Variants in PARL observed in about 807,000 individuals in gnomAD.
PARL encodes presenilin associated rhomboid like.
PARL carries 44 observed loss-of-function variants against 51.6 expected under a neutral mutation model. The ratio of observed to expected loss-of-function variants is 0.85; its 90% CI spans 0.67 to 1.10. The LOEUF (loss-of-function observed/expected upper bound fraction) is 1.10, where lower values mean the gene tolerates loss of function less well. Ranked by LOEUF, PARL falls within the 50% of genes least tolerant of loss-of-function variation. The pLI is 0.00. For synonymous variants in PARL, 172 were observed against 164.0 expected (o/e 1.05, Z -0.37); for missense variants, 441 against 469.5 (o/e 0.94, Z 0.56).
chr3:183,876,610 T>TAAAAAAAAAA (rs576376716), intron 1 of PARL, among the ~76,000 whole-genome samples: 49 of 91,750 alleles, frequency 5.3e-4, no homozygotes, highest in South Asian at 7.8e-4. Flanking sequence ...ATACATTTTG[T>TAAAAAAAAAA]AAAAAAAAAA....
chr3:183,850,261 A>T (rs1366324884), intron 4 of PARL, among the ~76,000 whole-genome samples: 1 of 152,188 alleles, frequency 6.6e-6, no homozygotes, highest in East Asian at 1.9e-4. Context: ...GGGTCTAGGG[A>T]AGTGTCCTTC....
chr3:183,854,678 C>T (rs1730933702), intron 4 of PARL, among the ~76,000 whole-genome samples: 1 of 148,796 alleles, frequency 6.7e-6, no homozygotes, highest in Non-Finnish European at 1.5e-5. Context: ...TGTGAATATA[C>T]TGAACTCTAC....
In PARL at chr3:183,880,473, C is replaced by T. The variant is rs187026180; in HGVS notation, c.125+4249G>A. Reference sequence around the variant, plus strand: ...TTGGAGTGTAATGCCGTGATCTCGGCTCACTGCAACCTCCGCTTCCCGGGT... The same window carrying T: ...TTGGAGTGTAATGCCGTGATCTCGGTTCACTGCAACCTCCGCTTCCCGGGT... On this transcript the variant is annotated intron_variant, in intron 1 of 9. Coordinates refer to ENST00000317096, the MANE Select transcript of PARL (RefSeq NM_018622.7). Among the ~76,000 whole-genome samples the T allele has an allele frequency of 2.0e-5, 3 of 152,210 alleles. No individual in the cohort carries two copies. The East Asian group carries it at 5.8e-4, about 29-fold the overall frequency.
chr3:183,872,683 C>T (rs1006876089), intron 1 of PARL, among the ~76,000 whole-genome samples: 2 of 152,144 alleles, frequency 1.3e-5, no homozygotes, highest in Non-Finnish European at 2.9e-5. Flanking sequence ...TTCCAGGCTC[C>T]CCTAGAGCTA....
chr3:183,867,980 G>C lies in PARL; in HGVS notation c.206C>G (p.Thr69Arg), dbSNP rs1455630146. The C allele has an allele frequency of 5.0e-6, 8 of 1,613,870 alleles. No homozygotes were observed. In the South Asian group the frequency reaches 7.7e-5, roughly 16 times the overall value. Residue 69 changes from threonine (T) to arginine (R), a missense_variant, in exon 2 of 10, where the codon ACA becomes AGA. Transcript: ENST00000317096. The part of the protein sequence containing the change: ...KVEPRRSDPG[T>R]SGEAYKRSAL... ...ACTTCTCTTGTATGCTTCACCACTTGTCCCTGGGTCTGATCTTCGAGGTTC... is the reference window on the plus strand; with the variant it reads ...ACTTCTCTTGTATGCTTCACCACTTCTCCCTGGGTCTGATCTTCGAGGTTC...
At chr3:183,853,760 C>T (rs1730818241) in intron 4 of PARL, among the ~76,000 whole-genome samples, 1 of 152,164 alleles carries the variant, frequency 6.6e-6, no homozygotes, top group African/African-American at 2.4e-5. Flanking sequence ...TACTGTCAAA[C>T]ACCTACACAC....
At position 183,829,723 on chromosome 3, in the gene PARL, A is replaced by C. The variant is rs2108572853; in HGVS notation, c.1029-14T>G. On this transcript the variant is annotated splice_polypyrimidine_tract_variant and intron_variant, in intron 9 of 9. Transcript: ENST00000317096. ...GTAACATACCATCTGGAGAAAAACA[A>C]ACCAGGTCCGACATTCAAACAGTGT... 1 of 1,603,810 alleles carries C rather than the reference A, an allele frequency of 6.2e-7. No homozygotes were observed.
At position 183,833,586 on chromosome 3, in the gene PARL, G is replaced by C; in HGVS notation, c.934C>G (p.Leu312Val). ...PMFTFTAGNA[L>V]KAIIAMDTAG... ...GTATCCATGGCGATAATGGCTTTCAGGGCCTGAAAGGCAGCAAGAAACAAG... is the reference window on the plus strand; with the variant it reads ...GTATCCATGGCGATAATGGCTTTCACGGCCTGAAAGGCAGCAAGAAACAAG... The change falls in exon 9 of 10, where the codon CTG (leucine) becomes GTG (valine). Residue 312 changes from leucine to valine, a missense_variant. Coordinates refer to ENST00000317096, the MANE Select transcript of PARL (RefSeq NM_018622.7). The C allele has an allele frequency of 1.9e-6, 3 of 1,610,176 alleles. No homozygotes were observed. The highest frequency in any genetic ancestry group is 2.6e-6 in the Non-Finnish European group (3 of 1,176,408).
intron 7 of PARL, among the ~76,000 whole-genome samples, chr3:183,834,246 T>A (rs1489389021): frequency 6.6e-6 from 1 of 152,232 alleles, no homozygotes; most frequent in Non-Finnish European, 1.5e-5. Flanking sequence ...GTGAAATCTT[T>A]ATTCATCTTC....
At chr3:183,861,765 C>T (rs965180991) in intron 4 of PARL, among the ~76,000 whole-genome samples, 2 of 152,130 alleles carry the variant, frequency 1.3e-5, no homozygotes, top group East Asian at 1.9e-4. Context: ...TCTATGCAAT[C>T]GTTAAAAAAC....
intron 4 of PARL, among the ~76,000 whole-genome samples, chr3:183,860,055 C>T (rs973004979): frequency 7.6e-5 from 11 of 144,966 alleles, no homozygotes; most frequent in South Asian, 2.2e-4. Flanking sequence ...AAATATAAAA[C>T]GAAAAAAAAA....
chr3:183,860,814 CTT>C (rs11405513), intron 4 of PARL, among the ~76,000 whole-genome samples: 224 of 126,710 alleles, frequency 1.8e-3, no homozygotes, highest in African/African-American at 3.5e-3. Context: ...AATTTCGTTA[CTT>C]TTTTTTTTTT....
At chr3:183,844,395 C>G (rs1043775477) in intron 4 of PARL, 69 bp from the exon 5 acceptor site, 55 of 962,528 alleles carry the variant, frequency 5.7e-5, no homozygotes, top group Middle Eastern at 2.1e-4. Flanking sequence ...CTACATTACC[C>G]CCTTGTAAGA....
At chr3:183,859,297 A>C (rs984413476) in intron 4 of PARL, among the ~76,000 whole-genome samples, 7 of 151,906 alleles carry the variant, frequency 4.6e-5, no homozygotes, top group Admixed American at 1.3e-4. Flanking sequence ...ACAAAAACAA[A>C]ACTACAGACT....
intron 1 of PARL, among the ~76,000 whole-genome samples, chr3:183,876,438 T>C (rs1023294757): frequency 7.2e-5 from 11 of 152,114 alleles, no homozygotes; most frequent in Middle Eastern, 3.2e-3. Flanking sequence ...ACAATGTATC[T>C]GGTCACCCAA....
chr3:183,836,807 G>A (rs1190785856), intron 7 of PARL, among the ~76,000 whole-genome samples: 1 of 152,012 alleles, frequency 6.6e-6, no homozygotes, highest in East Asian at 1.9e-4. Context: ...GCGGTGGCAC[G>A]ATCTCACTGC....
At chr3:183,881,121 ATT>A (rs10589229) in intron 1 of PARL, among the ~76,000 whole-genome samples, 11,599 of 139,500 alleles carry the variant, frequency 0.083, 1,171 homozygotes, top group African/African-American at 0.23. Context: ...GCCTTTGTGC[ATT>A]TTTTTTTTTT....
In PARL at chr3:183,833,481, C is replaced by T. The variant is rs759428608; in HGVS notation, c.1028+11G>A. On this transcript the variant is annotated intron_variant, in intron 9 of 9. Transcript: ENST00000317096. Reference sequence around the variant, plus strand: ...GGAAGCAGTTTAGCAATCAATTACACTCAAACTTACATTCCAAAAAGAGCT... The same window carrying T: ...GGAAGCAGTTTAGCAATCAATTACATTCAAACTTACATTCCAAAAAGAGCT... 1.9e-6 allele frequency: 3 copies of T among 1,568,010 alleles called. No homozygotes were observed. The Admixed American group carries it at 5.0e-5, about 26-fold the overall frequency.
At chr3:183,847,213 C>T (rs1730056734) in intron 4 of PARL, among the ~76,000 whole-genome samples, 1 of 152,214 alleles carries the variant, frequency 6.6e-6, no homozygotes, top group South Asian at 2.1e-4. Context: ...AGAGGCCTAA[C>T]CGCTCAGCTT....
Sources: gnomAD v4.1 joint callset for allele counts (sites outside exome capture counted in the v4.1 genomes callset) on GRCh38, gnomAD v4.1.1 for gene constraint, MANE v1.5 for transcripts, NCBI Gene and HGNC (gene_info 2026-07-23, HGNC 2026-07-21) for gene names.